DDR1: variants seen among roughly 807,000 people sequenced by gnomAD.
The protein encoded by DDR1 is epithelial discoidin domain-containing receptor 1.
In DDR1, 64 loss-of-function variants were observed where a neutral mutation model predicts 97.4. That is an observed-to-expected ratio of 0.66 (90% confidence interval 0.54 to 0.81). The LOEUF is 0.81. Among genes scored for constraint, DDR1 ranks in the 30% least tolerant of loss-of-function variants. The pLI is 0.00. For synonymous variants in DDR1, 458 were observed against 503.7 expected, an observed-to-expected ratio of 0.91 and a Z score of 1.21; for missense variants, 990 against 1,259.6, an observed-to-expected ratio of 0.79 and a Z score of 3.24.
rs1439860059 is a variant in DDR1, at chr6:30,898,965, G to A, written c.2529G>A (p.Gln843=). ...LWEVLMLCRA[Q]PFGQLTDEQV... is the part of the protein sequence containing the mutation. ...AGGTGCTGATGCTCTGTAGGGCCCA[G>A]CCCTTTGGGCAGCTCACCGACGAGC... The change falls in exon 17 of 18, where the codon CAG becomes CAA. Residue 843 remains glutamine (Q), a synonymous_variant. Coordinates refer to ENST00000376568, the MANE Select transcript of DDR1 (RefSeq NM_001297654.2). 1 of 1,614,186 alleles carries A rather than the reference G, an allele frequency of 6.2e-7. No individual in the cohort carries two copies. The highest frequency in any genetic ancestry group is 8.5e-7 in the Non-Finnish European group (1 of 1,180,022).
At chr6:30,896,391 T>C (rs1313427501) in intron 12 of DDR1, among the ~76,000 whole-genome samples, 2 of 152,024 alleles carry the variant, frequency 1.3e-5, no homozygotes, top group Non-Finnish European at 2.9e-5. Context: ...ACAGTTTTGC[T>C]CAACCATATT....
At position 30,898,102 on chromosome 6, in the gene DDR1, A is replaced by C; in HGVS notation, c.2246A>C (p.Gln749Pro). ...CCAATGCTGCTGCATGTGGCAGCCC[A>C]GATCGCCTCCGGCATGCGCTATCTG... ...SYPMLLHVAA[Q>P]IASGMRYLAT... Residue 749 changes from glutamine to proline, a missense_variant, in exon 16 of 18, where the codon CAG becomes CCG. Coordinates refer to ENST00000376568, the MANE Select transcript of DDR1 (RefSeq NM_001297654.2). The C allele has an allele frequency of 2.5e-6, 4 of 1,614,230 alleles. No homozygotes were observed. The highest frequency in any genetic ancestry group is 3.4e-6 in the Non-Finnish European group (4 of 1,180,030).
chr6:30,897,554 G>T lies in DDR1; in HGVS notation c.2173G>T (p.Gly725Trp). Residue 725 changes from glycine to tryptophan, a missense_variant, in exon 15 of 18, where the codon GGG (glycine) becomes TGG (tryptophan). Gly to Trp is a radical substitution (Grantham distance 184, BLOSUM62 -2). Coordinates refer to ENST00000376568, the MANE Select transcript of DDR1 (RefSeq NM_001297654.2). The surrounding 1 kb of genome is among the most constrained non-coding windows in gnomAD (Gnocchi z 5.2). Reference protein sequence around the residue: ...AHQLEDKAAEGAPGDGQAAQG... With the variant: ...AHQLEDKAAEWAPGDGQAAQG... ...CCAGCTGGAGGACAAGGCAGCCGAG[G>T]GGGCCCCTGGGGACGGGCAGGCTGC... 10 of 1,613,684 alleles carry T rather than the reference G, an allele frequency of 6.2e-6. No individual in the cohort carries two copies. Among genetic ancestry groups the T allele is most frequent in the Non-Finnish European group, 8.5e-6 (10 of 1,180,006 alleles).
At position 30,889,176 on chromosome 6, in the gene DDR1, T is replaced by G. The variant is rs1309247391; in HGVS notation, c.189-26T>G. ...ATGGAGGCAGACCTGGGGCCAGATG[T>G]TCTCTGTGCCCCTCTTCACCCTCAG... is the stretch of plus-strand genomic sequence containing the variant. On this transcript the variant is annotated intron_variant, in intron 3 of 17. Transcript: ENST00000376568. This position sits in a 1 kb window ranked among gnomAD's most constrained non-coding sequence, Gnocchi z 4.9. The G allele has an allele frequency of 3.1e-5, 49 of 1,606,070 alleles. 1 individual carries two copies. The highest frequency in any genetic ancestry group is 4.0e-5 in the Non-Finnish European group (47 of 1,173,876).
chr6:30,893,489 G>A, intron 10 of DDR1, 66 bp downstream of exon 10: 1 of 1,542,412 alleles, frequency 6.5e-7, no homozygotes. Context: ...CCAGCGTCCA[G>A]TGGGACCTGC....
Position 30,889,086 on chromosome 6 carries a change from C to G in DDR1, c.188+76C>G, listed in dbSNP as rs150249809. On this transcript the variant is annotated intron_variant, in intron 3 of 17. Coordinates refer to ENST00000376568, the MANE Select transcript of DDR1 (RefSeq NM_001297654.2). This position sits in a 1 kb window ranked among gnomAD's most constrained non-coding sequence, Gnocchi z 4.9. ...GACCTCTACTTCCCCTCCAACCCCT[C>G]TGCCCATGCCAGTGAAACCCCTGCA... The G allele has an allele frequency of 1.4e-3, 2,152 of 1,585,136 alleles. 9 individuals carry two copies. The African/African-American group carries it at 0.014, about 10-fold the overall frequency.
chr6:30,886,207 C>T lies in DDR1; in HGVS notation c.-43+1497C>T, dbSNP rs1785780698. Among the ~76,000 whole-genome samples, 2 of 152,110 alleles carry T rather than the reference C, an allele frequency of 1.3e-5. No individual in the cohort carries two copies. The highest frequency in any genetic ancestry group is 1.3e-4 in the Admixed American group (2 of 15,276). On this transcript the variant is annotated intron_variant, in intron 1 of 17. Transcript: ENST00000376568. This position sits in a 1 kb window ranked among gnomAD's most constrained non-coding sequence, Gnocchi z 4.6. ...CGCCTGCCTCGTATCCTCTGCCTGCCTTTGTATCTCTGCCCCGGGCTCCTC... is the reference window on the plus strand; with the variant it reads ...CGCCTGCCTCGTATCCTCTGCCTGCTTTTGTATCTCTGCCCCGGGCTCCTC...
rs1394760085 is a variant in DDR1 at position 30,894,276 on chromosome 6, G to A, written c.1348-230G>A. Among the ~76,000 whole-genome samples, 2 of 152,078 alleles carry A rather than the reference G, an allele frequency of 1.3e-5. No individual in the cohort carries two copies. Among genetic ancestry groups the A allele is most frequent in the Non-Finnish European group, 2.9e-5 (2 of 67,996 alleles). On this transcript the variant is annotated intron_variant, in intron 10 of 17. Coordinates refer to ENST00000376568, the MANE Select transcript of DDR1 (RefSeq NM_001297654.2). The surrounding 1 kb of genome is among the most constrained non-coding windows in gnomAD (Gnocchi z 5.7). ...AAAACAAACAAACAAAAAAAAAACG[G>A]TTGATAGTTATGGACTGGGCAGATG...
At chr6:30,885,024 C>G in intron 1 of DDR1, 1 of 583,768 alleles carries the variant, frequency 1.7e-6, no homozygotes, top group South Asian at 2.1e-5. Context: ...CCTGTGCAGC[C>G]CCACTGAGTC....
intron 16 of DDR1, 99 bp from the exon 17 acceptor site, chr6:30,898,789 G>A (rs1791876584): frequency 1.5e-6 from 2 of 1,351,980 alleles, no homozygotes; most frequent in Non-Finnish European, 1.0e-6. Context: ...TCAGGCCTGA[G>A]TGGAGCCCAG....
intron 1 of DDR1, chr6:30,885,019 G>A (rs1014608139): frequency 1.4e-5 from 8 of 572,074 alleles, no homozygotes; most frequent in Non-Finnish European, 2.5e-5. Flanking sequence ...GTGCTCCTGT[G>A]CAGCCCCACT....
rs2855544 is a variant in DDR1, at chr6:30,891,695, G to A, written c.665+216G>A. Among the ~76,000 whole-genome samples, 1 of 152,128 alleles carries A rather than the reference G, an allele frequency of 6.6e-6. No individual in the cohort carries two copies. Among genetic ancestry groups the A allele is most frequent in the Non-Finnish European group, 1.5e-5 (1 of 68,026 alleles). On this transcript the variant is annotated intron_variant, in intron 6 of 17. Transcript: ENST00000376568. This position sits in a 1 kb window ranked among gnomAD's most constrained non-coding sequence, Gnocchi z 5.3. ...GCCCGTATGACACTGTATGAAAAAGGCACCCCTTTGCTAACACACATTGTT... is the reference window on the plus strand; with the variant it reads ...GCCCGTATGACACTGTATGAAAAAGACACCCCTTTGCTAACACACATTGTT...
rs551753356 is a variant in DDR1 at position 30,898,222 on chromosome 6, G to A, written c.2366G>A (p.Arg789Gln). 31 of 1,614,230 alleles carry A rather than the reference G, an allele frequency of 1.9e-5. No individual in the cohort carries two copies. Among genetic ancestry groups the A allele is most frequent in the Admixed American group, 1.0e-4 (6 of 60,034 alleles). Residue 789 changes from arginine to glutamine, a missense_variant, in exon 16 of 18, where the codon CGG becomes CAG. Arg to Gln is a conservative substitution (Grantham distance 43, BLOSUM62 1). Transcript: ENST00000376568. ...AAAATCGCAGACTTTGGCATGAGCC[G>A]GAACCTCTATGCTGGGGACTATTAC... ...TIKIADFGMS[R>Q]NLYAGDYYRV...
At chr6:30,895,372 C>T (rs1790330514) in intron 11 of DDR1, 32 bp from the exon 12 acceptor site, 3 of 1,544,498 alleles carry the variant, frequency 1.9e-6, no homozygotes, top group Admixed American at 1.7e-5. Context: ...CTCATCCCTT[C>T]CCCGTGTTTC....
At chr6:30,885,626 T>C (rs1408453225) in intron 1 of DDR1, 1 of 1,355,318 alleles carries the variant, frequency 7.4e-7, no homozygotes, top group East Asian at 3.7e-5. Context: ...TGTTCACAGG[T>C]GTCTGAAGGT....
chr6:30,885,255 A>AC lies in DDR1; in HGVS notation c.-43+552dup, dbSNP rs773651147. The AC allele has an allele frequency of 3.0e-5, 46 of 1,530,950 alleles. No individual in the cohort carries two copies. In the African/African-American group the frequency reaches 3.3e-4, roughly 11 times the overall value. 94.8% of individuals were successfully genotyped at this position (1,530,950 alleles called of 1,614,324 possible). On this transcript the variant is annotated intron_variant, in intron 1 of 17. Coordinates refer to ENST00000376568, the MANE Select transcript of DDR1 (RefSeq NM_001297654.2). ...CGGTGAGCGCCAGCTTCAGGGTCCC[A>AC]CCCCCCCATGCCTGGCTCTTGGCTG...
In DDR1 at chr6:30,896,727, G is replaced by A. The variant is rs767353556; in HGVS notation, c.1731G>A (p.Leu577=). 1.2e-6 allele frequency: 2 copies of A among 1,601,020 alleles called. No individual in the cohort carries two copies. The highest frequency in any genetic ancestry group is 8.5e-7 in the Non-Finnish European group (1 of 1,173,152). The change falls in exon 13 of 18, where the codon CTG becomes CTA. Residue 577 remains leucine (L), a synonymous_variant. Coordinates refer to ENST00000376568, the MANE Select transcript of DDR1 (RefSeq NM_001297654.2). ...ATGCCGAGGCTGACATTGTTACCCT[G>A]CAGGGCGTCACCGGGGGCAACACCT... is the stretch of plus-strand genomic sequence containing the variant. ...PHYAEADIVT[L]QGVTGGNTYA...
rs755018033 is a variant in DDR1, at chr6:30,899,267, C to T, written c.2713C>T (p.Leu905=). 6.2e-7 allele frequency: 1 copy of T among 1,613,728 alleles called. No homozygotes were observed. The highest frequency in any genetic ancestry group is 8.5e-7 in the Non-Finnish European group (1 of 1,179,752). ...ACCCTTTTCCCAGCTGCATCGGTTC[C>T]TGGCAGAGGATGCACTCAACACGGT... ...RPPFSQLHRF[L]AEDALNTV is the part of the protein sequence containing the mutation. The change falls in exon 18 of 18, where the codon CTG becomes TTG. Residue 905 remains leucine, a synonymous_variant. Transcript: ENST00000376568.
chr6:30,895,540 G>T (rs371572497), intron 12 of DDR1, 26 bp downstream of exon 12: 1 of 1,459,824 alleles, frequency 6.9e-7, no homozygotes, highest in South Asian at 1.2e-5. Flanking sequence ...CCTGGGCTCC[G>T]CCAGGCTCCC....
Sources: gnomAD v4.1 joint callset for allele counts (sites outside exome capture counted in the v4.1 genomes callset) on GRCh38, gnomAD v4.1.1 for gene constraint, Gnocchi (gnomAD v3.1) non-coding constraint, MANE v1.5 for transcripts, NCBI Gene and HGNC (gene_info 2026-07-23, HGNC 2026-07-21) for gene names.